MRPS27: variants seen among roughly 807,000 people sequenced by gnomAD.
MRPS27 encodes mitochondrial ribosomal protein S27, also known as small ribosomal subunit protein mS27.
MRPS27 carries 43 observed loss-of-function variants against 48.9 expected under a neutral mutation model. The ratio of observed to expected loss-of-function variants is 0.88; its 90% CI spans 0.69 to 1.13. MRPS27 has a LOEUF of 1.13. Among genes scored for constraint, MRPS27 ranks in the 50% most tolerant of loss-of-function variants. The probability of loss-of-function intolerance (pLI) is 0.00; values close to 1 mark genes in which losing one functional copy is unlikely to be tolerated. For missense variants in MRPS27, 467 were observed against 476.3 expected (o/e 0.98, Z 0.18); for synonymous variants, 188 against 171.9 (o/e 1.09, Z -0.73).
In MRPS27 at chr5:72,241,156, G is replaced by T. The variant is rs549568287; in HGVS notation, c.282-3028C>A. 8.5e-4 allele frequency among the ~76,000 whole-genome samples: 129 copies of T among 152,286 alleles called. 1 individual carries two copies. Among genetic ancestry groups the T allele is most frequent in the African/African-American group, 3.1e-3 (127 of 41,546 alleles). On this transcript the variant is annotated intron_variant, in intron 4 of 10. Transcript: ENST00000261413. The stretch of plus-strand genomic sequence containing the variant: ...GGACTCAAGTGATCCTCCTGCCTTT[G>T]CCTCCTTCTTTATTTCTGTAGAGAC...
chr5:72,234,053 C>A, intron 6 of MRPS27, 66 bp downstream of exon 6: 1 of 1,384,698 alleles, frequency 7.2e-7, no homozygotes, highest in Non-Finnish European at 9.4e-7. Context: ...GAAGTTCCTA[C>A]ATTTGTACAC....
At chr5:72,306,563 C>T (rs140809070) in intron 2 of MRPS27, among the ~76,000 whole-genome samples, 1 of 152,120 alleles carries the variant, frequency 6.6e-6, no homozygotes, top group African/African-American at 2.4e-5. Context: ...AAATAAATTG[C>T]AAAAAACTTA....
intron 1 of MRPS27, among the ~76,000 whole-genome samples, chr5:72,315,890 A>T (rs1363193670): frequency 6.6e-6 from 1 of 152,252 alleles, no homozygotes; most frequent in Admixed American, 6.5e-5. Context: ...CAACCAAGAA[A>T]AATGAAAACT....
rs1750015284 is a variant in MRPS27 at position 72,297,655 on chromosome 5, C to T, written c.199G>A (p.Val67Ile). The T allele has an allele frequency of 3.1e-6, 5 of 1,601,566 alleles. No individual in the cohort carries two copies. In the East Asian group the frequency reaches 1.1e-4, roughly 36 times the overall value. Residue 67 changes from valine to isoleucine, a missense_variant, in exon 3 of 11, where the codon GTT becomes ATT. Transcript: ENST00000261413. ...ACCCGTGATATTGTTAAAGAACTAA[C>T]AGGCAACTTTCTCTCAAATGTTTTA... ...MDKTFERKLPVSSLTISRLID... is the reference protein window; with the variant it reads ...MDKTFERKLPISSLTISRLID...
chr5:72,261,478 T>A (rs1021329006), intron 4 of MRPS27, among the ~76,000 whole-genome samples: 1 of 151,342 alleles, frequency 6.6e-6, no homozygotes, highest in South Asian at 2.1e-4. Flanking sequence ...TCGAGGAAAC[T>A]GATTTTTAAA....
chr5:72,221,264 T>A lies in MRPS27; in HGVS notation c.1006-116A>T, dbSNP rs1181531807. On this transcript the variant is annotated intron_variant, in intron 10 of 10. Transcript: ENST00000261413. The stretch of plus-strand genomic sequence containing the variant: ...TAGATTTGAACAAAAGTTTGCTGAC[T>A]CGTAGTTTAGTCCTCATTCTAGTGG... The A allele has an allele frequency of 5.3e-6, 7 of 1,317,466 alleles. No homozygotes were observed. The East Asian group carries it at 1.4e-4, about 26-fold the overall frequency. The allele number at this position is 1,317,466 out of a possible 1,614,324, so 81.6% of individuals were successfully genotyped here. A position where few individuals can be genotyped will look rare whatever the true frequency, so the allele number is the denominator to read the frequency against.
At chr5:72,241,800 A>G (rs1305714927) in intron 4 of MRPS27, 2 of 1,017,220 alleles carry the variant, frequency 2.0e-6, no homozygotes, top group African/African-American at 3.2e-5. Context: ...AGCCTGGCAG[A>G]TTACAGCCAG....
rs148927715 is a variant in MRPS27, at chr5:72,248,867, G to T, written c.282-10739C>A. Among the ~76,000 whole-genome samples, 565 of 152,276 alleles carry T rather than the reference G, an allele frequency of 3.7e-3. 1 individual carries two copies. The highest frequency in any genetic ancestry group is 0.013 in the African/African-American group (549 of 41,536). On this transcript the variant is annotated intron_variant, in intron 4 of 10. Coordinates refer to ENST00000261413, the MANE Select transcript of MRPS27 (RefSeq NM_015084.3). ...GGCTCGGCCCATTGATCATGTGTCA[G>T]ATCATGGCTGCACTTTGTGGGAGAG...
chr5:72,300,826 T>A (rs1750107584), intron 2 of MRPS27, among the ~76,000 whole-genome samples: 1 of 152,222 alleles, frequency 6.6e-6, no homozygotes, highest in Non-Finnish European at 1.5e-5. Context: ...TTTTAAAAGA[T>A]AAATCAGCCA....
At chr5:72,256,503 G>GT (rs1748811179) in intron 4 of MRPS27, among the ~76,000 whole-genome samples, 1 of 152,132 alleles carries the variant, frequency 6.6e-6, no homozygotes, top group Non-Finnish European at 1.5e-5. Flanking sequence ...TTATAAACAA[G>GT]TTTTTTGGGC....
intron 1 of MRPS27, among the ~76,000 whole-genome samples, chr5:72,318,820 G>T (rs1288935575): frequency 6.7e-6 from 1 of 148,790 alleles, no homozygotes; most frequent in Non-Finnish European, 1.5e-5. Context: ...GGAGGTGATT[G>T]TGGGGAAAGA....
intron 2 of MRPS27, among the ~76,000 whole-genome samples, chr5:72,301,967 GT>G (rs1750136467): frequency 6.6e-6 from 1 of 152,180 alleles, no homozygotes; most frequent in Non-Finnish European, 1.5e-5. Context: ...AGATGCCCAG[GT>G]TTTGTTCAAA....
intron 4 of MRPS27, among the ~76,000 whole-genome samples, chr5:72,250,371 C>T (rs1748633556): frequency 6.6e-6 from 1 of 152,164 alleles, no homozygotes; most frequent in African/African-American, 2.4e-5. Context: ...GACTTTTTGA[C>T]TCTGCATTCA....
chr5:72,244,689 G>T lies in MRPS27; in HGVS notation c.282-6561C>A, dbSNP rs74932935. On this transcript the variant is annotated intron_variant, in intron 4 of 10. Coordinates refer to ENST00000261413, the MANE Select transcript of MRPS27 (RefSeq NM_015084.3). ...TTTCCTTTAATTCCAATTTTTTTTT[G>T]TTTTTTTAAGTAGAGACGGAAGTGT... Among the ~76,000 whole-genome samples, 713 of 112,622 alleles carry T rather than the reference G, an allele frequency of 6.3e-3. 2 individuals are homozygous for T. The highest frequency in any genetic ancestry group is 0.059 in the African/African-American group (663 of 11,268). 73.9% of individuals were successfully genotyped at this position (112,622 alleles called of 152,430 possible).
At chr5:72,233,709 A>G (rs1748119876) in intron 6 of MRPS27, among the ~76,000 whole-genome samples, 1 of 152,142 alleles carries the variant, frequency 6.6e-6, no homozygotes, top group Non-Finnish European at 1.5e-5. Context: ...CAAACAAACA[A>G]GCCAGTAATA....
intron 4 of MRPS27, among the ~76,000 whole-genome samples, chr5:72,278,515 T>C (rs1233799702): frequency 6.6e-6 from 1 of 152,000 alleles, no homozygotes; most frequent in Admixed American, 6.6e-5. Flanking sequence ...TAAAGCATTA[T>C]AGATACAGTT....
intron 7 of MRPS27, 103 bp downstream of exon 7, chr5:72,232,340 T>C (rs999422464): frequency 4.2e-6 from 3 of 709,990 alleles, no homozygotes; most frequent in Non-Finnish European, 6.9e-6. Flanking sequence ...TTCCTGGTTG[T>C]GCCTGGCCAC....
chr5:72,313,959 C>T (rs914620614), intron 2 of MRPS27, 122 bp downstream of exon 2: 2 of 698,228 alleles, frequency 2.9e-6, no homozygotes, highest in Non-Finnish European at 2.3e-6. Context: ...AGACTTAAAA[C>T]ATGCTTATCT....
At chr5:72,296,781 T>C (rs1749993805) in intron 3 of MRPS27, among the ~76,000 whole-genome samples, 1 of 152,184 alleles carries the variant, frequency 6.6e-6, no homozygotes, top group Admixed American at 6.5e-5. Flanking sequence ...CTTCCATATT[T>C]AACAATATTT....
Sources: gnomAD v4.1 joint callset for allele counts (sites outside exome capture counted in the v4.1 genomes callset) on GRCh38, gnomAD v4.1.1 for gene constraint, MANE v1.5 for transcripts, NCBI Gene and HGNC (gene_info 2026-07-23, HGNC 2026-07-21) for gene names.